Variants in SLIT1 observed in about 807,000 individuals in gnomAD.
SLIT1 encodes slit homolog 1 protein.
A neutral mutation model predicts 186.1 loss-of-function variants in SLIT1; 66 were observed. That is an observed-to-expected ratio of 0.35 (90% CI 0.29 to 0.44). SLIT1 has a LOEUF of 0.44. Ranked by LOEUF, SLIT1 falls within the 20% of genes least tolerant of loss-of-function variation. The pLI is 1.00. For synonymous variants in SLIT1, 761 were observed against 833.8 expected, an observed-to-expected ratio of 0.91 and a Z score of 1.50; for missense variants, 1,638 against 2,037.4, an observed-to-expected ratio of 0.80 and a Z score of 3.77.
At chr10:97,033,147 C>G (rs1043781370) in intron 23 of SLIT1, among the ~76,000 whole-genome samples, 1 of 151,662 alleles carries the variant, frequency 6.6e-6, no homozygotes, top group Non-Finnish European at 1.5e-5. Flanking sequence ...CTCCCAGGCT[C>G]AAACCATCCT....
intron 4 of SLIT1, chr10:97,154,223 G>C (rs1849917776): frequency 2.6e-5 from 4 of 152,348 alleles, no homozygotes; most frequent in Admixed American, 2.6e-4. Context: ...GAAGAACCCG[G>C]TAAGCCCAGA....
intron 4 of SLIT1, chr10:97,154,875 T>G (rs779077305): frequency 1.3e-5 from 2 of 152,212 alleles, no homozygotes; most frequent in Non-Finnish European, 2.9e-5. Flanking sequence ...TGTCCTTTCC[T>G]CTAGGACTCC....
At position 97,021,692 on chromosome 10, in the gene SLIT1, A is replaced by G. The variant is rs978085266; in HGVS notation, c.2583-279T>C. ...ATTCTCCTGTCTCATACTCCCAAGTATCTGGGATTACAGACACACACCGCC... is the reference window on the plus strand; with the variant it reads ...ATTCTCCTGTCTCATACTCCCAAGTGTCTGGGATTACAGACACACACCGCC... On this transcript the variant is annotated intron_variant, in intron 25 of 36. Coordinates refer to ENST00000266058, the MANE Select transcript of SLIT1 (RefSeq NM_003061.3). The surrounding 1 kb of genome is among the most constrained non-coding windows in gnomAD (Gnocchi z 4.5). 1.3e-5 allele frequency among the ~76,000 whole-genome samples: 2 copies of G among 151,820 alleles called. No individual in the cohort carries two copies. The highest frequency in any genetic ancestry group is 2.4e-5 in the African/African-American group (1 of 41,300).
Position 97,030,483 on chromosome 10 carries a change from G to A in SLIT1, c.2582+274C>T, listed in dbSNP as rs140837325. Among the ~76,000 whole-genome samples the A allele has an allele frequency of 1.8e-4, 27 of 152,294 alleles. No individual in the cohort carries two copies. In the East Asian group the frequency reaches 5.2e-3, roughly 29 times the overall value. ...CTATGTTGTAGGATAACTGTGAGGC[G>A]CACATTAGCTGAGGCAGGCGAAGTG... On this transcript the variant is annotated intron_variant, in intron 25 of 36. Transcript: ENST00000266058.
chr10:97,174,724 C>CT (rs1850234894), intron 1 of SLIT1, among the ~76,000 whole-genome samples: 1 of 152,198 alleles, frequency 6.6e-6, no homozygotes, highest in Non-Finnish European at 1.5e-5. Flanking sequence ...TCAGAGGCTC[C>CT]TTGTCAGTCT....
intron 4 of SLIT1, among the ~76,000 whole-genome samples, chr10:97,085,178 C>T (rs555992864): frequency 7.6e-4 from 115 of 152,240 alleles, no homozygotes; most frequent in Middle Eastern, 3.4e-3. Context: ...CCTCCTTTGC[C>T]TCCCAAAGTG....
chr10:97,095,991 T>A (rs1849284819), intron 4 of SLIT1, among the ~76,000 whole-genome samples: 1 of 151,990 alleles, frequency 6.6e-6, no homozygotes, highest in Non-Finnish European at 1.5e-5. Flanking sequence ...AGTTGAGAGG[T>A]GCAAGGTCCC....
intron 13 of SLIT1, among the ~76,000 whole-genome samples, chr10:97,051,365 C>T (rs1414381450): frequency 2.0e-5 from 3 of 152,054 alleles, no homozygotes; most frequent in Non-Finnish European, 4.4e-5. Context: ...AATAGTACAG[C>T]CAAGTGTTGG....
At chr10:97,051,811 C>CAAAA (rs201020231) in intron 13 of SLIT1, among the ~76,000 whole-genome samples, 1 of 124,216 alleles carries the variant, frequency 8.1e-6, no homozygotes, top group African/African-American at 3.4e-5. Context: ...AACTCCATCT[C>CAAAA]AAAAAAAAAA....
intron 8 of SLIT1, among the ~76,000 whole-genome samples, 155 bp downstream of exon 8, chr10:97,063,300 T>C (rs1438750041): frequency 7.0e-6 from 1 of 141,938 alleles, no homozygotes; most frequent in South Asian, 2.2e-4. Context: ...CAGGAGGTGA[T>C]GGGCAGGGTC....
chr10:97,021,565 T>C lies in SLIT1; in HGVS notation c.2583-152A>G, dbSNP rs1448597816. ...ACTGTATAGTCAGTGCTGCTTTTTT[T>C]TTTTTTTCTTTTTTTGAGATGGAGT... On this transcript the variant is annotated intron_variant, in intron 25 of 36. Coordinates refer to ENST00000266058, the MANE Select transcript of SLIT1 (RefSeq NM_003061.3). The surrounding 1 kb of genome is among the most constrained non-coding windows in gnomAD (Gnocchi z 4.5). 2 of 596,156 alleles carry C rather than the reference T, an allele frequency of 3.4e-6. No homozygotes were observed. Among genetic ancestry groups the C allele is most frequent in the Non-Finnish European group, 5.4e-6 (2 of 368,400 alleles). 36.9% of individuals were successfully genotyped at this position (596,156 alleles called of 1,614,324 possible). A position where few individuals can be genotyped will look rare whatever the true frequency, so the allele number is the denominator to read the frequency against.
intron 13 of SLIT1, among the ~76,000 whole-genome samples, chr10:97,053,071 G>T (rs1848805717): frequency 1.3e-5 from 2 of 152,182 alleles, no homozygotes; most frequent in South Asian, 4.1e-4. Flanking sequence ...AACATTGGGT[G>T]TGTCACATAA....
At chr10:97,084,584 ATTTTCTTTTCTTCTCTTTTC>A (rs1227811225) in intron 4 of SLIT1, among the ~76,000 whole-genome samples, 3 of 134,458 alleles carry the variant, frequency 2.2e-5, no homozygotes, top group East Asian at 4.6e-4. Context: ...CTTTTCTTTT[ATTTTCTTTTCTTCTCTTTTC>A]TTTTCTTTTC....
chr10:97,084,853 TGCCTTG>T (rs892419439), intron 4 of SLIT1, among the ~76,000 whole-genome samples: 1 of 151,888 alleles, frequency 6.6e-6, no homozygotes, highest in African/African-American at 2.4e-5. Flanking sequence ...GTGATCTGCC[TGCCTTG>T]GCCTCCCAAA....
intron 22 of SLIT1, among the ~76,000 whole-genome samples, chr10:97,036,303 C>T (rs780109760): frequency 2.0e-5 from 3 of 152,202 alleles, no homozygotes; most frequent in African/African-American, 4.8e-5. Flanking sequence ...CCCCAAGAGG[C>T]AGTTTCACTG....
intron 26 of SLIT1, 37 bp from the exon 27 acceptor site, chr10:97,019,144 G>T (rs1318771912): frequency 6.8e-6 from 9 of 1,314,684 alleles, no homozygotes; most frequent in Non-Finnish European, 8.8e-6. Flanking sequence ...AGGGGGAGGG[G>T]TGGGCAGCAC....
intron 27 of SLIT1, 39 bp downstream of exon 27, chr10:97,018,944 G>A (rs746995947): frequency 2.2e-5 from 29 of 1,324,176 alleles, no homozygotes; most frequent in East Asian, 1.9e-4. Flanking sequence ...CAGTGTACAC[G>A]AAGAGCCCTC....
chr10:97,165,763 G>C (rs1274303828), intron 1 of SLIT1, among the ~76,000 whole-genome samples: 1 of 152,090 alleles, frequency 6.6e-6, no homozygotes, highest in Non-Finnish European at 1.5e-5. Flanking sequence ...TCCAGGAAGC[G>C]AGGCCACCCC....
At chr10:97,132,850 G>A (rs1849667220) in intron 4 of SLIT1, among the ~76,000 whole-genome samples, 1 of 152,192 alleles carries the variant, frequency 6.6e-6, no homozygotes, top group South Asian at 2.1e-4. Context: ...TGCCTGGATG[G>A]AGGCCTTCTT....
Sources: gnomAD v4.1 joint callset for allele counts (sites outside exome capture counted in the v4.1 genomes callset) on GRCh38, gnomAD v4.1.1 for gene constraint, Gnocchi (gnomAD v3.1) non-coding constraint, MANE v1.5 for transcripts, NCBI Gene and HGNC (gene_info 2026-07-23, HGNC 2026-07-21) for gene names.